KNTC1: variants seen among roughly 807,000 people sequenced by gnomAD.
KNTC1 encodes the protein kinetochore-associated protein 1.
In KNTC1, 253 loss-of-function variants were observed where a neutral mutation model predicts 314.4. The observed-to-expected ratio is 0.80, with a 90% CI of 0.73 to 0.89. The LOEUF is 0.89. Ranked by LOEUF, KNTC1 falls within the 40% of genes least tolerant of loss-of-function variation. KNTC1 has a pLI of 0.00. For missense variants in KNTC1, 2,475 were observed against 2,572.9 expected (o/e 0.96, Z 0.82); for synonymous variants, 901 against 901.4 (o/e 1.00, Z 0.01).
chr12:122,584,951 C>A lies in KNTC1; in HGVS notation c.3495C>A (p.Ser1165=). 6.2e-7 allele frequency: 1 copy of A among 1,606,164 alleles called. No homozygotes were observed. Among genetic ancestry groups the A allele is most frequent in the Non-Finnish European group, 8.5e-7 (1 of 1,173,088 alleles). ...ATACTTTAATGGCTGTAGAGCTTTCCAGACAATGCCAAATGGATGACTGTG... is the reference window on the plus strand; with the variant it reads ...ATACTTTAATGGCTGTAGAGCTTTCAAGACAATGCCAAATGGATGACTGTG... ...CKHTLMAVEL[S]RQCQMDDCGI... is the part of the protein sequence containing the mutation. Residue 1165 remains serine, a synonymous_variant, in exon 36 of 64, where the codon TCC becomes TCA. Transcript: ENST00000333479.
At chr12:122,546,698 A>G (rs771864730) in intron 10 of KNTC1, 24 bp downstream of exon 10, 108 of 1,447,760 alleles carry the variant, frequency 7.5e-5, no homozygotes, top group East Asian at 1.4e-4. Context: ...TTCTCCTTCA[A>G]TGTTTTTACT....
intron 61 of KNTC1, among the ~76,000 whole-genome samples, chr12:122,622,256 T>G (rs1874520452): frequency 6.6e-6 from 1 of 152,176 alleles, no homozygotes; most frequent in Non-Finnish European, 1.5e-5. Flanking sequence ...ACAATTACTT[T>G]ATTTATTGAC....
rs1871914929 is a variant in KNTC1, at chr12:122,601,586, ACGAG to A, written c.4616_4619del (p.Arg1539LeufsTer5). 6.5e-7 allele frequency: 1 copy of A among 1,538,562 alleles called. No individual in the cohort carries two copies. The highest frequency in any genetic ancestry group is 8.8e-7 in the Non-Finnish European group (1 of 1,142,384). ...TTGAAGTTGTCTTGAAAGTTATAGA[ACGAG>A]CTGATGAAAAGATAACCAATATTAA... On this transcript the variant is annotated frameshift_variant, in exon 45 of 64. Transcript: ENST00000333479. LOFTEE classifies it high-confidence loss of function.
rs536586893 is a variant in KNTC1 at position 122,582,768 on chromosome 12, C to T, written c.3046C>T (p.Arg1016Cys). The T allele has an allele frequency of 2.9e-5, 47 of 1,612,596 alleles. No individual in the cohort carries two copies. Among genetic ancestry groups the T allele is most frequent in the South Asian group, 5.5e-5 (5 of 90,912 alleles). The change falls in exon 34 of 64, where the codon CGT becomes TGT. Residue 1016 changes from arginine (R) to cysteine (C), a missense_variant. Transcript: ENST00000333479. ...YSNSSLVADL[R>C]EQHIKAHEVA... ...CAATAGTTCCCTGGTAGCAGATCTC[C>T]GTGAGCAGCACATTAAAGCTCACGA...
At chr12:122,571,520 G>A (rs1049968461) in intron 24 of KNTC1, among the ~76,000 whole-genome samples, 1 of 151,798 alleles carries the variant, frequency 6.6e-6, no homozygotes, top group African/African-American at 2.4e-5. Flanking sequence ...CACCAGGCCC[G>A]ACTGATTTTT....
At chr12:122,604,791 G>A (rs1035676624) in intron 49 of KNTC1, 86 bp from the exon 50 acceptor site, 20 of 1,341,296 alleles carry the variant, frequency 1.5e-5, no homozygotes, top group Non-Finnish European at 2.1e-5. Context: ...GAAGGGGGGA[G>A]GGATTGTGAT....
intron 37 of KNTC1, among the ~76,000 whole-genome samples, chr12:122,586,075 GT>G (rs10706787): frequency 0.79 from 119,764 of 150,758 alleles, 48,160 homozygotes; most frequent in East Asian, 0.92. Flanking sequence ...TTGTGTGTTT[GT>G]TTTGTTTTGT....
At chr12:122,585,805 G>A (rs1449672299) in intron 37 of KNTC1, 31 bp downstream of exon 37, 2 of 1,606,350 alleles carry the variant, frequency 1.2e-6, no homozygotes, top group Middle Eastern at 1.7e-4. Context: ...TATTTTCTAT[G>A]TGTTTCTGTC....
Position 122,551,492 on chromosome 12 carries a change from A to C in KNTC1, c.1165A>C (p.Arg389=), listed in dbSNP as rs376756586. The change falls in exon 15 of 64, where the codon AGA becomes CGA. Residue 389 remains arginine, a synonymous_variant. Coordinates refer to ENST00000333479, the MANE Select transcript of KNTC1 (RefSeq NM_014708.6). ...SEDSVSVLVL[R]CLTEALPENR... The stretch of plus-strand genomic sequence containing the variant: ...AGACTCAGTCTCTGTGTTAGTACTC[A>C]GATGTCTTACGGAAGCTTTACCAGA... 1.3e-6 allele frequency: 2 copies of C among 1,597,770 alleles called. No homozygotes were observed. Among genetic ancestry groups the C allele is most frequent in the Admixed American group, 3.5e-5 (2 of 56,904 alleles).
At position 122,597,860 on chromosome 12, in the gene KNTC1, G is replaced by A. The variant is rs763331237; in HGVS notation, c.4485G>A (p.Leu1495=). The A allele has an allele frequency of 2.5e-6, 4 of 1,614,040 alleles. No individual in the cohort carries two copies. Among genetic ancestry groups the A allele is most frequent in the South Asian group, 2.2e-5 (2 of 91,086 alleles). Residue 1495 remains leucine, a synonymous_variant, in exon 44 of 64, where the codon CTG becomes CTA. Transcript: ENST00000333479. ...DSAKRRHPKL[L]AKALEMVPLL... is the part of the protein sequence containing the mutation. ...CAAAGCGGCGGCATCCCAAACTCCTGGCCAAAGCCCTTGAGATGGTTCCTT... is the reference window on the plus strand; with the variant it reads ...CAAAGCGGCGGCATCCCAAACTCCTAGCCAAAGCCCTTGAGATGGTTCCTT...
chr12:122,622,137 A>T (rs1874505577), intron 61 of KNTC1, among the ~76,000 whole-genome samples, 167 bp downstream of exon 61: 2 of 152,130 alleles, frequency 1.3e-5, no homozygotes, highest in Admixed American at 1.3e-4. Context: ...AGAGGCAGGG[A>T]CCCTGAGCGT....
Position 122,547,456 on chromosome 12 carries a change from A to G in KNTC1, c.858A>G (p.Val286=), listed in dbSNP as rs1354350613. The change falls in exon 11 of 64, where the codon GTA becomes GTG. Residue 286 remains valine (V), a synonymous_variant. Transcript: ENST00000333479. ...GGGATATTTACACTCTAACTCCTGT[A>G]TGGAACTGGCCCTCTCTTCACGTAG... The part of the protein sequence containing the change: ...SLWDIYTLTP[V]WNWPSLHVEE... 2 of 1,613,178 alleles carry G rather than the reference A, an allele frequency of 1.2e-6. No homozygotes were observed. Among genetic ancestry groups the G allele is most frequent in the East Asian group, 2.2e-5 (1 of 44,874 alleles).
intron 39 of KNTC1, 94 bp downstream of exon 39, chr12:122,587,968 T>G: frequency 9.6e-7 from 1 of 1,045,384 alleles, no homozygotes; most frequent in South Asian, 1.8e-5. Context: ...CCTATTGTCT[T>G]TGTAGCAAGG....
At chr12:122,622,752 C>A in intron 62 of KNTC1, 145 bp downstream of exon 62, 1 of 598,182 alleles carries the variant, frequency 1.7e-6, no homozygotes, top group South Asian at 2.4e-5. Flanking sequence ...AGTTCAAAAC[C>A]AGCCTGACCA....
intron 12 of KNTC1, 70 bp downstream of exon 12, chr12:122,548,039 A>G: frequency 1.1e-6 from 1 of 942,854 alleles, no homozygotes; most frequent in South Asian, 1.6e-5. Context: ...ATACAAAAGT[A>G]GATGTTAAAT....
intron 31 of KNTC1, among the ~76,000 whole-genome samples, chr12:122,579,458 T>C (rs183109815): frequency 1.3e-4 from 20 of 152,258 alleles, no homozygotes; most frequent in African/African-American, 4.8e-4. Flanking sequence ...ACATTTTACA[T>C]ACATCATGTC....
intron 16 of KNTC1, among the ~76,000 whole-genome samples, chr12:122,556,635 G>A (rs532266762): frequency 2.0e-5 from 3 of 151,852 alleles, no homozygotes; most frequent in Middle Eastern, 6.8e-3. Context: ...AACATGCACT[G>A]CTAAGTTTTG....
chr12:122,575,567 A>T lies in KNTC1; in HGVS notation c.2407A>T (p.Ile803Phe). ...GCTCATATTTGATGCCGTGCTCAAGATCATGTATGCGGCAGTGGTTCCTTG... is the reference window on the plus strand; with the variant it reads ...GCTCATATTTGATGCCGTGCTCAAGTTCATGTATGCGGCAGTGGTTCCTTG... Reference protein sequence around the residue: ...TDLIFDAVLKIMYAAVVPWSA... With the variant: ...TDLIFDAVLKFMYAAVVPWSA... The change falls in exon 28 of 64, where the codon ATC becomes TTC. Residue 803 changes from isoleucine (I) to phenylalanine (F), a missense_variant. Transcript: ENST00000333479. 2 of 1,595,046 alleles carry T rather than the reference A, an allele frequency of 1.3e-6. No individual in the cohort carries two copies. The highest frequency in any genetic ancestry group is 1.7e-6 in the Non-Finnish European group (2 of 1,170,478).
intron 24 of KNTC1, among the ~76,000 whole-genome samples, chr12:122,572,396 C>T (rs1184878360): frequency 6.7e-6 from 1 of 150,334 alleles, no homozygotes; most frequent in Non-Finnish European, 1.5e-5. Context: ...CTCTGTCCCC[C>T]CCAAAAAAAA....
Sources: gnomAD v4.1 joint callset for allele counts (sites outside exome capture counted in the v4.1 genomes callset) on GRCh38, gnomAD v4.1.1 for gene constraint, MANE v1.5 for transcripts, NCBI Gene and HGNC (gene_info 2026-07-23, HGNC 2026-07-21) for gene names.